Variants in CA4 observed in about 807,000 individuals in gnomAD.
CA4 encodes CA-IV.
A neutral mutation model predicts 34.5 loss-of-function variants in CA4; 24 were observed. The observed-to-expected ratio is 0.70, with a 90% confidence interval of 0.50 to 0.98. CA4 has a LOEUF of 0.98. CA4 is among the 50% of genes least tolerant of loss of function. The pLI, the probability that CA4 is intolerant of heterozygous loss-of-function variation, is 0.00. For synonymous variants in CA4, 178 were observed against 170.6 expected (o/e 1.04, Z -0.34); for missense variants, 394 against 396.7 (o/e 0.99, Z 0.06).
chr17:60,158,606 G>T, intron 7 of CA4, 160 bp downstream of exon 7: 1 of 723,576 alleles, frequency 1.4e-6, no homozygotes, highest in Non-Finnish European at 2.3e-6. Context: ...GGCAAGAAAA[G>T]CCTGAGCTGT....
In CA4 at chr17:60,156,609, C is replaced by G. The variant is rs778411450; in HGVS notation, c.162C>G (p.Ile54Met). 23 of 1,613,944 alleles carry G rather than the reference C, an allele frequency of 1.4e-5. No homozygotes were observed. Among genetic ancestry groups the G allele is most frequent in the Non-Finnish European group, 1.9e-5 (23 of 1,179,894 alleles). The change falls in exon 3 of 8, where the codon ATC (isoleucine) becomes ATG (methionine). Residue 54 changes from isoleucine to methionine, a missense_variant. Coordinates refer to ENST00000300900, the MANE Select transcript of CA4 (RefSeq NM_000717.5). ...GNCQKDRQSP[I>M]NIVTTKAKVD... ...GCCAGAAGGACCGCCAGTCCCCCAT[C>G]AACATCGTCACCACCAAGGCAAAGG...
downstream of CA4, among the ~76,000 whole-genome samples, chr17:60,162,453 G>T (rs1413325529): frequency 6.6e-6 from 1 of 151,956 alleles, no homozygotes; most frequent in Non-Finnish European, 1.5e-5. Flanking sequence ...GAGGGCGAGG[G>T]AGGAGAACCC....
Position 60,168,717 on chromosome 17 carries a change from G to A in CA4, c.*179-1834G>A, listed in dbSNP as rs1297585609. 2.6e-5 allele frequency among the ~76,000 whole-genome samples: 4 copies of A among 152,168 alleles called. No individual in the cohort carries two copies. In the East Asian group the frequency reaches 7.7e-4, roughly 29 times the overall value. ...AATGCCTAGAGGCAGTGGTCACGTT[G>A]GGTGAGGGGTGCCCAGAAGATCGGG... On this transcript the variant is annotated intron_variant and NMD_transcript_variant, in intron 5 of 5. Coordinates refer to the CA4 transcript ENST00000586876.
the CA4 span, among the ~76,000 whole-genome samples, chr17:60,176,897 T>A: frequency 6.6e-6 from 1 of 152,144 alleles, no homozygotes; most frequent in South Asian, 2.1e-4. Flanking sequence ...CAGTTCACAA[T>A]AGGGTTCGTT....
chr17:60,156,814 C>T, intron 3 of CA4, 99 bp downstream of exon 3: 1 of 1,128,626 alleles, frequency 8.9e-7, no homozygotes, highest in Middle Eastern at 2.3e-4. Flanking sequence ...GACCCAGGCC[C>T]ATCTGTGCTG....
At chr17:60,157,663 C>A in intron 4 of CA4, 27 bp from the exon 5 acceptor site, 6 of 1,611,144 alleles carry the variant, frequency 3.7e-6, no homozygotes, top group Non-Finnish European at 5.1e-6. Context: ...TTCATAGGTC[C>A]CCTTTTCACC....
At chr17:60,175,172 G>A (rs1369926281), downstream of CA4, among the ~76,000 whole-genome samples, 3 of 141,362 alleles carry the variant, frequency 2.1e-5, no homozygotes, top group Non-Finnish European at 4.4e-5. Flanking sequence ...ACAGGCATGG[G>A]CCACCACACC....
intron 1 of CA4, among the ~76,000 whole-genome samples, chr17:60,153,124 G>A (rs1358510956): frequency 3.9e-5 from 6 of 152,122 alleles, no homozygotes; most frequent in South Asian, 4.1e-4. Flanking sequence ...GATCATTTGA[G>A]GTCAGGAGTT....
At chr17:60,175,973 C>T in the CA4 span, among the ~76,000 whole-genome samples, 5 of 151,892 alleles carry the variant, frequency 3.3e-5, no homozygotes, top group Non-Finnish European at 5.9e-5. Context: ...TGTACCACCA[C>T]GCCCGGCTAA....
intron 1 of CA4, among the ~76,000 whole-genome samples, chr17:60,154,070 A>T (rs949296005): frequency 1.3e-5 from 2 of 152,164 alleles, no homozygotes; most frequent in Non-Finnish European, 2.9e-5. Context: ...GGGGCAGCCC[A>T]GGCAAGAAGG....
At chr17:60,162,546 T>TAC (rs770876140), downstream of CA4, among the ~76,000 whole-genome samples, 22,284 of 132,012 alleles carry the variant, frequency 0.17, 1,694 homozygotes, top group Middle Eastern at 0.23. Flanking sequence ...CTGCATGGGG[T>TAC]ACACACACAC....
At chr17:60,164,561 T>C (rs1205335664) in intron 5 of CA4, among the ~76,000 whole-genome samples, 4 of 151,982 alleles carry the variant, frequency 2.6e-5, no homozygotes, top group Non-Finnish European at 5.9e-5. Context: ...CTAATTTTTT[T>C]CATATTTTTA....
At chr17:60,151,403 G>A (rs1235068699) in intron 1 of CA4, 1 of 152,268 alleles carries the variant, frequency 6.6e-6, no homozygotes, top group Non-Finnish European at 1.5e-5. Flanking sequence ...CCTGGGAGAA[G>A]AAAGAGAAAA....
chr17:60,178,463 G>T, the CA4 span, among the ~76,000 whole-genome samples: 3 of 152,146 alleles, frequency 2.0e-5, no homozygotes, highest in African/African-American at 7.2e-5. Context: ...CATTTCTGAG[G>T]ATACTTGAAG....
At chr17:60,157,946 C>G in intron 5 of CA4, 115 bp from the exon 6 acceptor site, 2 of 1,558,078 alleles carry the variant, frequency 1.3e-6, no homozygotes, top group Non-Finnish European at 1.7e-6. Context: ...GGTGGGGAGC[C>G]CAGAGCCTCA....
chr17:60,151,609 T>G (rs1346668091), intron 1 of CA4: 1 of 152,118 alleles, frequency 6.6e-6, no homozygotes, highest in African/African-American at 2.4e-5. Flanking sequence ...AATAAGATAA[T>G]GGGTTTAAGT....
At chr17:60,152,082 G>A (rs1197889736) in intron 1 of CA4, among the ~76,000 whole-genome samples, 1 of 152,042 alleles carries the variant, frequency 6.6e-6, no homozygotes, top group Non-Finnish European at 1.5e-5. Flanking sequence ...AGTCAGTGTG[G>A]GGGGCAGTAG....
rs2145275267 is a variant in CA4 at position 60,157,765 on chromosome 17, G to A, written c.490G>A (p.Ala164Thr). Residue 164 changes from alanine (A) to threonine (T), a missense_variant, in exon 5 of 8, where the codon GCG becomes ACG. Transcript: ENST00000300900. The stretch of plus-strand genomic sequence containing the variant: ...GGCCCAGGACCCTGAAGACGAAATT[G>A]CGGTGCTGGCCTTTCTGGTGGAGGT... ...KEAQDPEDEI[A>T]VLAFLVEAGT... 1.9e-6 allele frequency: 3 copies of A among 1,613,900 alleles called. No homozygotes were observed. Among genetic ancestry groups the A allele is most frequent in the Non-Finnish European group, 2.5e-6 (3 of 1,179,748 alleles).
At chr17:60,165,390 GA>G (rs908186315) in intron 5 of CA4, among the ~76,000 whole-genome samples, 10 of 152,144 alleles carry the variant, frequency 6.6e-5, no homozygotes, top group African/African-American at 1.9e-4. Flanking sequence ...ATCAGAGGGA[GA>G]AAAGGGGGCC....
Sources: allele counts gnomAD v4.1 joint callset (sites outside exome capture counted in the v4.1 genomes callset), GRCh38; gene constraint gnomAD v4.1.1; transcripts MANE v1.5; gene names NCBI Gene and HGNC (gene_info 2026-07-23, HGNC 2026-07-21).